Variants in TSNAX observed in about 807,000 individuals in gnomAD.
TSNAX encodes translin-associated protein X.
A neutral mutation model predicts 33.0 loss-of-function variants in TSNAX; 12 were observed. That is an observed-to-expected ratio of 0.36 (90% CI 0.23 to 0.59). The LOEUF (loss-of-function observed/expected upper bound fraction) is 0.59, where lower values mean the gene tolerates loss of function less well. Ranked by LOEUF, TSNAX falls within the 20% of genes least tolerant of loss-of-function variation. The pLI is 0.74. For missense variants in TSNAX, 267 were observed against 341.3 expected, an observed-to-expected ratio of 0.78 and a Z score of 1.72; for synonymous variants, 110 against 117.2, an observed-to-expected ratio of 0.94 and a Z score of 0.40.
At chr1:231,547,923 C>T (rs1282767864) in intron 4 of TSNAX, among the ~76,000 whole-genome samples, 1 of 147,814 alleles carries the variant, frequency 6.8e-6, no homozygotes, top group Non-Finnish European at 1.5e-5. Flanking sequence ...TCGCTGCAAG[C>T]TCCGCCTCCC....
At chr1:231,529,687 G>A (rs1000546486) in intron 2 of TSNAX, among the ~76,000 whole-genome samples, 2 of 152,290 alleles carry the variant, frequency 1.3e-5, no homozygotes, top group East Asian at 3.9e-4. Flanking sequence ...CATTTAGTGT[G>A]TATTTGTTTC....
At chr1:231,532,184 A>ACACACACACC (rs1658795985) in intron 2 of TSNAX, among the ~76,000 whole-genome samples, 1 of 113,686 alleles carries the variant, frequency 8.8e-6, no homozygotes, top group Admixed American at 9.1e-5. Flanking sequence ...ACACACACAC[A>ACACACACACC]CAGTTTTGGT....
intron 2 of TSNAX, among the ~76,000 whole-genome samples, chr1:231,529,569 C>A (rs1658517176): frequency 6.6e-6 from 1 of 152,184 alleles, no homozygotes; most frequent in African/African-American, 2.4e-5. Flanking sequence ...GTAAACATGA[C>A]TTAAACACAA....
intron 4 of TSNAX, among the ~76,000 whole-genome samples, chr1:231,552,170 A>C (rs1660355481): frequency 6.6e-6 from 1 of 152,014 alleles, no homozygotes; most frequent in Admixed American, 6.6e-5. Context: ...TTACAATCCC[A>C]GCTACTCGGG....
At chr1:231,535,167 A>AT (rs1558120505) in intron 2 of TSNAX, 2 of 152,304 alleles carry the variant, frequency 1.3e-5, no homozygotes, top group East Asian at 3.9e-4. Context: ...CTATGAAAAG[A>AT]TTCTAGATTC....
chr1:231,530,496 C>G (rs1302507557), intron 2 of TSNAX, among the ~76,000 whole-genome samples: 1 of 152,018 alleles, frequency 6.6e-6, no homozygotes, highest in African/African-American at 2.4e-5. Context: ...AGTTTGAGAC[C>G]AGCCTGGCCA....
chr1:231,546,482 T>C lies in TSNAX; in HGVS notation c.367+3871T>C, dbSNP rs140651286. Among the ~76,000 whole-genome samples, 396 of 152,292 alleles carry C rather than the reference T, an allele frequency of 2.6e-3. 1 individual carries two copies. The highest frequency in any genetic ancestry group is 9.1e-3 in the African/African-American group (377 of 41,556). On this transcript the variant is annotated intron_variant, in intron 4 of 5. Coordinates refer to ENST00000366639, the MANE Select transcript of TSNAX (RefSeq NM_005999.3). ...ATGTAGGTTCAGCATATTGGCAAAA[T>C]TGTGAGTGCCCACTGGAAAAATGAA... is the stretch of plus-strand genomic sequence containing the variant.
chr1:231,531,931 C>CGCCTG (rs1212134655), intron 2 of TSNAX, among the ~76,000 whole-genome samples: 2 of 151,812 alleles, frequency 1.3e-5, no homozygotes, highest in African/African-American at 4.8e-5. Flanking sequence ...TGACAGCATG[C>CGCCTG]GCCTGTAGTA....
At chr1:231,529,977 C>T (rs1658560842) in intron 2 of TSNAX, among the ~76,000 whole-genome samples, 1 of 152,192 alleles carries the variant, frequency 6.6e-6, no homozygotes, top group Non-Finnish European at 1.5e-5. Context: ...TTCCTATTTG[C>T]AATCACCTGA....
chr1:231,561,828 G>A (rs60016757), intron 5 of TSNAX, among the ~76,000 whole-genome samples: 2,398 of 152,182 alleles, frequency 0.016, 69 homozygotes, highest in African/African-American at 0.055. Flanking sequence ...TTATTAATTA[G>A]GCAATATACA....
chr1:231,552,229 C>T (rs1660361890), intron 4 of TSNAX, among the ~76,000 whole-genome samples: 1 of 152,034 alleles, frequency 6.6e-6, no homozygotes, highest in African/African-American at 2.4e-5. Flanking sequence ...GCAGAGGTTG[C>T]AGTGAGCCAA....
At chr1:231,537,151 A>G in intron 2 of TSNAX, 62 bp from the exon 3 acceptor site, 1 of 1,329,490 alleles carries the variant, frequency 7.5e-7, no homozygotes. Context: ...ACATCTTAAA[A>G]ATATTGTTTG....
rs767689300 is a variant in TSNAX, at chr1:231,564,606, G to T, written c.574G>T (p.Ala192Ser). ...VTPVDYLLGV[A>S]DLTGELMRMC... is the part of the protein sequence containing the mutation. ...ACCTGTCGATTACCTTCTGGGAGTG[G>T]CTGACTTAACTGGAGAATTGATGCG... The change falls in exon 6 of 6, where the codon GCT becomes TCT. Residue 192 changes from alanine (A) to serine (S), a missense_variant. Coordinates refer to ENST00000366639, the MANE Select transcript of TSNAX (RefSeq NM_005999.3). The T allele has an allele frequency of 6.2e-7, 1 of 1,613,984 alleles. No homozygotes were observed. The highest frequency in any genetic ancestry group is 1.3e-5 in the African/African-American group (1 of 74,902).
At chr1:231,536,675 A>G (rs199859188) in intron 2 of TSNAX, 1 of 152,258 alleles carries the variant, frequency 6.6e-6, no homozygotes, top group African/African-American at 2.4e-5. Flanking sequence ...ATGTATACCT[A>G]GGATATTTGA....
chr1:231,528,872 G>T (rs1292760670), intron 1 of TSNAX, 46 bp downstream of exon 1: 3 of 1,612,192 alleles, frequency 1.9e-6, no homozygotes, highest in East Asian at 2.2e-5. Context: ...GGAGGGGGAG[G>T]TTCTCCAGTC....
intron 4 of TSNAX, among the ~76,000 whole-genome samples, chr1:231,557,825 A>G (rs1660788007): frequency 6.6e-6 from 1 of 152,194 alleles, no homozygotes; most frequent in Non-Finnish European, 1.5e-5. Context: ...TAATACCATT[A>G]TTTATTTTCC....
At chr1:231,539,366 T>C (rs150942723) in intron 3 of TSNAX, among the ~76,000 whole-genome samples, 144 of 152,314 alleles carry the variant, frequency 9.5e-4, no homozygotes, top group African/African-American at 3.4e-3. Flanking sequence ...TACTTGCAGA[T>C]AATGTATGGG....
rs192104595 is a variant in TSNAX, at chr1:231,545,454, A to G, written c.367+2843A>G. On this transcript the variant is annotated intron_variant, in intron 4 of 5. Coordinates refer to ENST00000366639, the MANE Select transcript of TSNAX (RefSeq NM_005999.3). ...GTCTGTTTTCTACACATTTCTTATC[A>G]GAGTAGATTACAGATTGTCCCAAGG... Among the ~76,000 whole-genome samples, 51 of 152,308 alleles carry G rather than the reference A, an allele frequency of 3.3e-4. 1 individual carries two copies. In the East Asian group the frequency reaches 9.3e-3, roughly 28 times the overall value.
intron 3 of TSNAX, among the ~76,000 whole-genome samples, chr1:231,538,989 G>A (rs1659375507): frequency 6.7e-6 from 1 of 149,960 alleles, no homozygotes; most frequent in South Asian, 2.1e-4. Context: ...AAACTTTTAA[G>A]ATAATTCTCA....
Sources: allele counts gnomAD v4.1 joint callset (sites outside exome capture counted in the v4.1 genomes callset), GRCh38; gene constraint gnomAD v4.1.1; transcripts MANE v1.5; gene names NCBI Gene and HGNC (gene_info 2026-07-23, HGNC 2026-07-21).